SMIM45: variants seen among roughly 807,000 people sequenced by gnomAD.
The protein encoded by SMIM45 is long intergenic non-protein coding RNA 634.
At chr22:41,950,853 A>G in the SMIM45 span, among the ~76,000 whole-genome samples, 1 of 152,198 alleles carries the variant, frequency 6.6e-6, no homozygotes, top group Non-Finnish European at 1.5e-5. Context: ...TTAGCCGGGC[A>G]TGGTGGTGCC....
At chr22:41,956,974 T>C in the SMIM45 span, among the ~76,000 whole-genome samples, 1 of 151,798 alleles carries the variant, frequency 6.6e-6, no homozygotes, top group African/African-American at 2.4e-5. Flanking sequence ...AGAGATGGGG[T>C]TTCACCATAT....
chr22:41,958,638 T>G, the SMIM45 span: 6 of 316,658 alleles, frequency 1.9e-5, no homozygotes, highest in Non-Finnish European at 3.8e-5. Context: ...CTGTCCATAG[T>G]GGGTCCCAAC....
At chr22:41,957,360 A>ATTT in the SMIM45 span, among the ~76,000 whole-genome samples, 8 of 139,076 alleles carry the variant, frequency 5.8e-5, no homozygotes, top group African/African-American at 2.1e-4. Flanking sequence ...CGCCCGGCTA[A>ATTT]TTTTTTTTTT....
At chr22:41,957,869 G>C in the SMIM45 span, 2 of 158,120 alleles carry the variant, frequency 1.3e-5, no homozygotes, top group African/African-American at 4.8e-5. Flanking sequence ...CGACAACCTG[G>C]CCTTCGGCGG....
chr22:41,948,369 T>C, the SMIM45 span, among the ~76,000 whole-genome samples: 334 of 152,318 alleles, frequency 2.2e-3, no homozygotes, highest in Non-Finnish European at 3.7e-3. Context: ...CATTATTGAT[T>C]AACTTAGTTT....
the SMIM45 span, among the ~76,000 whole-genome samples, chr22:41,954,202 A>ATTT: frequency 0.18 from 18,663 of 104,356 alleles, 2,858 homozygotes; most frequent in African/African-American, 0.43. Context: ...GGTACTTTGA[A>ATTT]TTTTTTTTTT....
the SMIM45 span, among the ~76,000 whole-genome samples, chr22:41,948,128 A>G: frequency 6.6e-6 from 1 of 152,238 alleles, no homozygotes; most frequent in South Asian, 2.1e-4. Context: ...GCCAACAGTT[A>G]TATAATAACT....
the SMIM45 span, among the ~76,000 whole-genome samples, chr22:41,957,161 C>T: frequency 7.7e-6 from 1 of 129,414 alleles, no homozygotes; most frequent in Non-Finnish European, 1.6e-5. Flanking sequence ...GAGGCCTGGG[C>T]GGCTGAGTCA....
chr22:41,951,215 G>A, the SMIM45 span, among the ~76,000 whole-genome samples: 3 of 152,246 alleles, frequency 2.0e-5, no homozygotes, highest in Admixed American at 6.5e-5. Context: ...TCCCAGCCAC[G>A]CCCCGTGGGC....
chr22:41,957,125 G>C, the SMIM45 span, among the ~76,000 whole-genome samples: 3 of 151,304 alleles, frequency 2.0e-5, no homozygotes, highest in Non-Finnish European at 2.9e-5. Context: ...TCCCCATGGC[G>C]TGGGGATAGC....
the SMIM45 span, among the ~76,000 whole-genome samples, chr22:41,950,492 G>A: frequency 6.6e-6 from 1 of 151,096 alleles, no homozygotes; most frequent in Non-Finnish European, 1.5e-5. Flanking sequence ...GAGGCCAGAA[G>A]TTCAAGACCG....
At chr22:41,951,336 C>G in the SMIM45 span, among the ~76,000 whole-genome samples, 1 of 152,150 alleles carries the variant, frequency 6.6e-6, no homozygotes, top group South Asian at 2.1e-4. Context: ...TGGACCCCAC[C>G]CCCAACGTCA....
the SMIM45 span, chr22:41,947,311 G>C: frequency 1.4e-5 from 8 of 575,252 alleles, no homozygotes; most frequent in Non-Finnish European, 1.9e-5. Context: ...TCCACAGTAA[G>C]CAGGTTTTTA....
the SMIM45 span, among the ~76,000 whole-genome samples, chr22:41,950,683 G>C: frequency 6.6e-6 from 1 of 151,964 alleles, no homozygotes; most frequent in Non-Finnish European, 1.5e-5. Flanking sequence ...GAGTGAAAGA[G>C]CAAGACCTTG....
At chr22:41,947,164 G>T in the SMIM45 span, 4 of 1,299,742 alleles carry the variant, frequency 3.1e-6, no homozygotes, top group Non-Finnish European at 4.4e-6. Context: ...CGGCCTGGGG[G>T]CACGTGCCTC....
the SMIM45 span, among the ~76,000 whole-genome samples, chr22:41,950,621 C>T: frequency 6.6e-6 from 1 of 152,052 alleles, no homozygotes; most frequent in African/African-American, 2.4e-5. Context: ...TCACCTGAGC[C>T]CAGGAGGCAG....
chr22:41,947,128 C>T, the SMIM45 span: 35 of 1,583,558 alleles, frequency 2.2e-5, no homozygotes, highest in Non-Finnish European at 3.0e-5. Context: ...ATCTTTCAAA[C>T]CGCCCTGAGT....
chr22:41,954,202 A>ATT, the SMIM45 span, among the ~76,000 whole-genome samples: 321 of 104,510 alleles, frequency 3.1e-3, 5 homozygotes, highest in East Asian at 0.035. Flanking sequence ...GGTACTTTGA[A>ATT]TTTTTTTTTT....
chr22:41,953,065 G>A, the SMIM45 span, among the ~76,000 whole-genome samples: 3 of 152,180 alleles, frequency 2.0e-5, no homozygotes, highest in Non-Finnish European at 1.5e-5. Flanking sequence ...TGCCCTGGCT[G>A]CACTAGTCAC....
Sources: allele counts gnomAD v4.1 joint callset (sites outside exome capture counted in the v4.1 genomes callset), GRCh38; gene constraint gnomAD v4.1.1; transcripts MANE v1.5; gene names NCBI Gene and HGNC (gene_info 2026-07-23, HGNC 2026-07-21).